The following TC2N variants were observed in gnomAD, a reference collection of about 807,000 sequenced individuals.
TC2N encodes the protein tandem C2 domains, nuclear.
In TC2N, 51 loss-of-function variants were observed where a neutral mutation model predicts 61.9. The observed-to-expected ratio is 0.82, with a 90% CI of 0.66 to 1.04. TC2N has a LOEUF of 1.04. TC2N is among the 50% of genes least tolerant of loss of function. TC2N has a pLI of 0.00. For synonymous variants in TC2N, 204 were observed against 192.6 expected (o/e 1.06, Z -0.49); for missense variants, 556 against 566.7 (o/e 0.98, Z 0.19).
At chr14:91,839,734 T>A (rs530635135) in intron 1 of TC2N, among the ~76,000 whole-genome samples, 9 of 152,356 alleles carry the variant, frequency 5.9e-5, no homozygotes, top group Admixed American at 4.6e-4. Flanking sequence ...ATTTTCTGCC[T>A]TAGAACATAA....
At position 91,792,539 on chromosome 14, in the gene TC2N, G is replaced by A. The variant is rs756200562; in HGVS notation, c.875C>T (p.Thr292Met). 100 of 1,549,548 alleles carry A rather than the reference G, an allele frequency of 6.5e-5. No individual in the cohort carries two copies. The highest frequency in any genetic ancestry group is 1.7e-4 in the Middle Eastern group (1 of 5,836). Reference sequence around the variant, plus strand: ...TTGAAGTTTAATAGCAAATACAAACGTTTCCATAAATTCAATAGCCTTAAA... The same window carrying A: ...TTGAAGTTTAATAGCAAATACAAACATTTCCATAAATTCAATAGCCTTAAA... ...EGSNAIEFME[T>M]FVFAIKLQNL... Residue 292 changes from threonine to methionine, a missense_variant, in exon 9 of 12, where the codon ACG (threonine) becomes ATG (methionine). By Grantham distance (81) the Thr-to-Met change is moderately conservative. Coordinates refer to ENST00000435962, the MANE Select transcript of TC2N (RefSeq NM_001128596.3).
chr14:91,863,556 T>A (rs1336468666), intron 1 of TC2N, among the ~76,000 whole-genome samples: 1 of 152,088 alleles, frequency 6.6e-6, no homozygotes, highest in African/African-American at 2.4e-5. Context: ...AAGTCATAGG[T>A]AGATTCAAAG....
At chr14:91,833,809 C>A (rs371916323) in intron 1 of TC2N, among the ~76,000 whole-genome samples, 1 of 152,180 alleles carries the variant, frequency 6.6e-6, no homozygotes, top group South Asian at 2.1e-4. Context: ...TATGAGACTT[C>A]CAGTTGCTCC....
intron 1 of TC2N, chr14:91,836,529 A>T (rs892052428): frequency 8.1e-5 from 9 of 111,518 alleles, no homozygotes; most frequent in Non-Finnish European, 2.0e-5. Flanking sequence ...CCACTCCCAC[A>T]CCACCCACCA....
chr14:91,784,362 A>G (rs1303532505), intron 11 of TC2N, among the ~76,000 whole-genome samples: 2 of 152,182 alleles, frequency 1.3e-5, no homozygotes, highest in Non-Finnish European at 2.9e-5. Flanking sequence ...TGATAAAACA[A>G]CATTTTAATT....
chr14:91,827,860 A>T (rs1163635798), intron 1 of TC2N, among the ~76,000 whole-genome samples: 1 of 152,244 alleles, frequency 6.6e-6, no homozygotes, highest in Non-Finnish European at 1.5e-5. Flanking sequence ...GGACTATTAA[A>T]AGACTTTTAG....
At chr14:91,785,902 A>G (rs970561045) in intron 10 of TC2N, among the ~76,000 whole-genome samples, 3 of 152,134 alleles carry the variant, frequency 2.0e-5, no homozygotes, top group Non-Finnish European at 4.4e-5. Flanking sequence ...CTAAAAGCAG[A>G]AAGAAACTGG....
intron 1 of TC2N, among the ~76,000 whole-genome samples, chr14:91,864,554 G>A (rs540112690): frequency 1.3e-5 from 2 of 152,296 alleles, no homozygotes; most frequent in South Asian, 4.1e-4. Flanking sequence ...GTTTTGCAAT[G>A]TCAAATTCAT....
intron 1 of TC2N, among the ~76,000 whole-genome samples, chr14:91,815,207 C>G (rs977964699): frequency 4.6e-5 from 7 of 151,488 alleles, no homozygotes; most frequent in African/African-American, 1.7e-4. Context: ...CCTGATCTAT[C>G]TAAATCTATG....
chr14:91,812,553 T>C lies in TC2N; in HGVS notation c.68-8A>G, dbSNP rs1353557661. On this transcript the variant is annotated splice_region_variant and splice_polypyrimidine_tract_variant and intron_variant, in intron 2 of 11. Coordinates refer to ENST00000435962, the MANE Select transcript of TC2N (RefSeq NM_001128596.3). Reference sequence around the variant, plus strand: ...AATCTCTTTCCACAGAAACTGCATATAAAAGAAAAAAAAAGTCACAAATAT... The same window carrying C: ...AATCTCTTTCCACAGAAACTGCATACAAAAGAAAAAAAAAGTCACAAATAT... 1 of 1,438,210 alleles carries C rather than the reference T, an allele frequency of 7.0e-7. No homozygotes were observed. The highest frequency in any genetic ancestry group is 9.6e-7 in the Non-Finnish European group (1 of 1,038,030). 89.1% of individuals were successfully genotyped at this position (1,438,210 alleles called of 1,614,324 possible).
At chr14:91,798,523 C>T in intron 6 of TC2N, 124 bp from the exon 7 acceptor site, 1 of 623,072 alleles carries the variant, frequency 1.6e-6, no homozygotes, top group South Asian at 2.0e-5. Flanking sequence ...TTAAAGTTCA[C>T]AATCTAAGAA....
chr14:91,804,945 T>G (rs1174226001), intron 3 of TC2N, among the ~76,000 whole-genome samples: 1 of 152,234 alleles, frequency 6.6e-6, no homozygotes, highest in Non-Finnish European at 1.5e-5. Context: ...TTTTTCTACG[T>G]GTATAATATT....
At chr14:91,847,183 G>A (rs929573938) in intron 1 of TC2N, among the ~76,000 whole-genome samples, 3 of 151,636 alleles carry the variant, frequency 2.0e-5, no homozygotes, top group East Asian at 3.9e-4. Context: ...GCTTGAACCC[G>A]GGAGGCAGAG....
intron 4 of TC2N, among the ~76,000 whole-genome samples, chr14:91,801,884 C>T (rs780423720): frequency 2.0e-5 from 3 of 152,120 alleles, no homozygotes; most frequent in African/African-American, 4.8e-5. Flanking sequence ...ACAGTTATCA[C>T]TTTTGAATGA....
intron 1 of TC2N, among the ~76,000 whole-genome samples, chr14:91,841,324 A>G (rs983910406): frequency 3.3e-5 from 5 of 152,084 alleles, no homozygotes; most frequent in Admixed American, 3.3e-4. Context: ...GAAGCAAATG[A>G]CCCTGCATTC....
At chr14:91,815,628 A>G (rs1886973220) in intron 1 of TC2N, among the ~76,000 whole-genome samples, 1 of 151,666 alleles carries the variant, frequency 6.6e-6, no homozygotes, top group Non-Finnish European at 1.5e-5. Flanking sequence ...GAAGAAGTAT[A>G]ACAAAACCCT....
At chr14:91,841,315 A>C (rs1227554276) in intron 1 of TC2N, among the ~76,000 whole-genome samples, 2 of 152,188 alleles carry the variant, frequency 1.3e-5, no homozygotes, top group Non-Finnish European at 1.5e-5. Context: ...CTCAAACCTG[A>C]AGCAAATGAC....
intron 3 of TC2N, among the ~76,000 whole-genome samples, chr14:91,804,852 C>T (rs185211592): frequency 6.6e-6 from 1 of 152,200 alleles, no homozygotes; most frequent in East Asian, 1.9e-4. Flanking sequence ...ACTAGTACTA[C>T]TCTATGTCTT....
intron 1 of TC2N, among the ~76,000 whole-genome samples, chr14:91,851,725 A>C (rs1160910144): frequency 6.6e-6 from 1 of 152,156 alleles, no homozygotes; most frequent in Non-Finnish European, 1.5e-5. Flanking sequence ...CAGATCCAAG[A>C]AGCACACTAG....
Sources: allele counts gnomAD v4.1 joint callset (sites outside exome capture counted in the v4.1 genomes callset), GRCh38; gene constraint gnomAD v4.1.1; transcripts MANE v1.5; gene names NCBI Gene and HGNC (gene_info 2026-07-23, HGNC 2026-07-21).